SEC14L5: variants seen among roughly 807,000 people sequenced by gnomAD.
SEC14L5 encodes the protein SEC14 like lipid binding 5.
A neutral mutation model predicts 84.6 loss-of-function variants in SEC14L5; 96 were observed. That is an observed-to-expected ratio of 1.13 (90% CI 0.96 to 1.34). The LOEUF (loss-of-function observed/expected upper bound fraction) is 1.34. SEC14L5 is among the 40% of genes most tolerant of loss of function. SEC14L5 has a pLI of 0.00. For synonymous variants in SEC14L5, 546 were observed against 383.4 expected (o/e 1.42, Z -4.95); for missense variants, 1,224 against 942.5 (o/e 1.30, Z -3.91).
intron 12 of SEC14L5, 64 bp from the exon 13 acceptor site, chr16:5,007,288 T>G: frequency 6.5e-7 from 1 of 1,539,238 alleles, no homozygotes; most frequent in Non-Finnish European, 8.9e-7. Flanking sequence ...ATCACCCTTC[T>G]GTGGGTCAGG....
At chr16:4,996,172 C>G (rs1955606160) in intron 6 of SEC14L5, among the ~76,000 whole-genome samples, 176 bp from the exon 7 acceptor site, 1 of 152,138 alleles carries the variant, frequency 6.6e-6, no homozygotes, top group South Asian at 2.1e-4. Context: ...TGGACATGGG[C>G]TGGAGAAATG....
chr16:4,997,556 G>A (rs1178945411), intron 8 of SEC14L5, among the ~76,000 whole-genome samples: 8 of 152,198 alleles, frequency 5.3e-5, no homozygotes, highest in African/African-American at 9.6e-5. Context: ...TCTCCACTGG[G>A]CTGAGTGAGC....
At position 4,978,837 on chromosome 16, in the gene SEC14L5, G is replaced by A. The variant is rs369868065; in HGVS notation, c.64-8720G>A. 7.8e-4 allele frequency among the ~76,000 whole-genome samples: 118 copies of A among 152,208 alleles called. 2 individuals carry two copies. The South Asian group carries it at 0.022, about 28-fold the overall frequency. ...AGGATGGTCTCGATCGCTTGACCTC[G>A]TGATCTGCCCGCCTTGGCCTCCCAA... On this transcript the variant is annotated intron_variant, in intron 2 of 15. Coordinates refer to ENST00000251170, the MANE Select transcript of SEC14L5 (RefSeq NM_014692.2).
rs1955576565 is a variant in SEC14L5, at chr16:4,993,669, CTG to C, written c.667+1641_667+1642del. On this transcript the variant is annotated intron_variant, in intron 6 of 15. Coordinates refer to ENST00000251170, the MANE Select transcript of SEC14L5 (RefSeq NM_014692.2). The stretch of plus-strand genomic sequence containing the variant: ...GTACTTAATAATTTTTTTAAAATGT[CTG>C]TAAGTATATACAAAGCATAACATTT... Among the ~76,000 whole-genome samples the C allele has an allele frequency of 1.3e-5, 2 of 152,166 alleles. 1 individual carries two copies. The highest frequency in any genetic ancestry group is 4.1e-4 in the South Asian group (2 of 4,832).
At chr16:4,962,894 ACT>A (rs1259275256) in intron 2 of SEC14L5, among the ~76,000 whole-genome samples, 2 of 152,086 alleles carry the variant, frequency 1.3e-5, no homozygotes, top group East Asian at 1.9e-4. Flanking sequence ...TAGCTGCATA[ACT>A]CAACGTAACT....
chr16:4,977,026 G>T (rs531334454), intron 2 of SEC14L5, among the ~76,000 whole-genome samples: 1 of 152,324 alleles, frequency 6.6e-6, no homozygotes, highest in South Asian at 2.1e-4. Context: ...AGGCACAGGG[G>T]CTGGGCCCTG....
Position 5,015,070 on chromosome 16 carries a change from G to A in SEC14L5, c.*100G>A. On this transcript the variant is annotated 3_prime_UTR_variant, in exon 16 of 16. Transcript: ENST00000251170. ...GCAGGGCCTGGGACCATGTGGGCTGGAGCCCCAGGCCTAGATGCTGCCCAA... is the reference window on the plus strand; with the variant it reads ...GCAGGGCCTGGGACCATGTGGGCTGAAGCCCCAGGCCTAGATGCTGCCCAA... The A allele has an allele frequency of 1.1e-6, 1 of 938,428 alleles. No homozygotes were observed. Among genetic ancestry groups the A allele is most frequent in the East Asian group, 2.5e-5 (1 of 39,902 alleles). The allele number at this position is 938,428 out of a possible 1,614,324, so 58.1% of individuals were successfully genotyped here. A position where few individuals can be genotyped will look rare whatever the true frequency, so the allele number is the denominator to read the frequency against.
chr16:4,978,748 G>T (rs992185937), intron 2 of SEC14L5, among the ~76,000 whole-genome samples: 7 of 151,464 alleles, frequency 4.6e-5, no homozygotes, highest in South Asian at 2.1e-4. Flanking sequence ...AACTACAGGC[G>T]CCTGCCACCA....
intron 2 of SEC14L5, among the ~76,000 whole-genome samples, chr16:4,963,632 C>T (rs1955157273): frequency 6.6e-6 from 1 of 151,962 alleles, no homozygotes. Context: ...AGGCGCGAGC[C>T]ACTGGGCCCA....
chr16:4,990,939 C>T, intron 5 of SEC14L5, 44 bp downstream of exon 5: 1 of 1,488,466 alleles, frequency 6.7e-7, no homozygotes, highest in Non-Finnish European at 9.0e-7. Flanking sequence ...GGTGCACACA[C>T]CTGCTCTGCC....
chr16:5,007,533 C>A (rs755424888), intron 13 of SEC14L5, 47 bp downstream of exon 13: 2 of 1,580,718 alleles, frequency 1.3e-6, no homozygotes, highest in Non-Finnish European at 8.6e-7. Context: ...GAGTGTCTGT[C>A]GTCTTAGGTC....
rs548158610 is a variant in SEC14L5, at chr16:5,007,263, C to T, written c.1438-89C>T. ...AGTAAGGGGTTGCAATTATGAGTGG[C>T]TTTGGGGGTCACACATCACCCTTCT... On this transcript the variant is annotated intron_variant, in intron 12 of 15. Coordinates refer to ENST00000251170, the MANE Select transcript of SEC14L5 (RefSeq NM_014692.2). 21 of 1,294,136 alleles carry T rather than the reference C, an allele frequency of 1.6e-5. No homozygotes were observed. The African/African-American group carries it at 2.3e-4, about 14-fold the overall frequency. The allele number at this position is 1,294,136 out of a possible 1,614,324, so 80.2% of individuals were successfully genotyped here.
In SEC14L5 at chr16:5,003,587, C is replaced by A; in HGVS notation, c.1302+14C>A. ...CTCTGGACACTGGTAAGAGCTGGAG[C>A]CTGGGCCAGGACTCTCCCTGGGGGT... is the stretch of plus-strand genomic sequence containing the variant. On this transcript the variant is annotated intron_variant, in intron 11 of 15. Transcript: ENST00000251170. The A allele has an allele frequency of 3.1e-6, 3 of 975,108 alleles. No homozygotes were observed. Among genetic ancestry groups the A allele is most frequent in the Non-Finnish European group, 4.3e-6 (3 of 691,330 alleles). The allele number at this position is 975,108 out of a possible 1,614,324, so 60.4% of individuals were successfully genotyped here. A position where few individuals can be genotyped will look rare whatever the true frequency, so the allele number is the denominator to read the frequency against.
chr16:5,001,721 G>A (rs894473185), intron 10 of SEC14L5, among the ~76,000 whole-genome samples: 1 of 151,836 alleles, frequency 6.6e-6, no homozygotes, highest in African/African-American at 2.4e-5. Flanking sequence ...CGGTGGCATC[G>A]CCCCCAAAGG....
At chr16:5,006,523 C>G (rs1030162692) in intron 12 of SEC14L5, among the ~76,000 whole-genome samples, 1 of 152,134 alleles carries the variant, frequency 6.6e-6, no homozygotes, top group African/African-American at 2.4e-5. Flanking sequence ...GTGTCCAGGC[C>G]CCTTTTATTG....
chr16:4,998,003 C>CCTTTTTTTTTTTTTT lies in SEC14L5; in HGVS notation c.970+959_970+960insCTTTTTTTTTTTTTT, dbSNP rs1555530444. On this transcript the variant is annotated intron_variant, in intron 8 of 15. Transcript: ENST00000251170. Reference sequence around the variant, plus strand: ...AATTACACCTGCACAGACTCTAGTTCTTTTTTTTTTTTTTTTTTGAGACAG... The same window carrying CCTTTTTTTTTTTTTT: ...AATTACACCTGCACAGACTCTAGTTCCTTTTTTTTTTTTTTTTTTTTTTTTTTTTTTTTGAGACAG... 3.9e-5 allele frequency among the ~76,000 whole-genome samples: 3 copies of CCTTTTTTTTTTTTTT among 77,896 alleles called. 1 individual carries two copies. The highest frequency in any genetic ancestry group is 5.3e-5 in the Non-Finnish European group (2 of 37,856). The allele number at this position is 77,896 out of a possible 152,430, so 51.1% of individuals were successfully genotyped here.
intron 4 of SEC14L5, among the ~76,000 whole-genome samples, chr16:4,989,188 G>A (rs971993703): frequency 1.3e-4 from 20 of 152,188 alleles, no homozygotes; most frequent in African/African-American, 3.4e-4. Flanking sequence ...GCTGAGTGAC[G>A]TTGGGCCACA....
Position 5,000,876 on chromosome 16 carries a change from G to A in SEC14L5, c.1081G>A (p.Gly361Arg), listed in dbSNP as rs776191007. The A allele has an allele frequency of 6.2e-7, 1 of 1,608,388 alleles. No homozygotes were observed. The highest frequency in any genetic ancestry group is 8.5e-7 in the Non-Finnish European group (1 of 1,177,570). Residue 361 changes from glycine (G) to arginine (R), a missense_variant, in exon 10 of 16, where the codon GGA becomes AGA. Transcript: ENST00000251170. The part of the protein sequence containing the change: ...LRHVLSVNEE[G>R]QKRCEGSTRQ... ...CCAGGTTCTCTCCGTCAACGAGGAA[G>A]GACAGAAGCGGTGTGAGGGGAGCAC...
chr16:4,970,642 G>T (rs1304692996), intron 2 of SEC14L5, among the ~76,000 whole-genome samples: 2 of 152,328 alleles, frequency 1.3e-5, no homozygotes, highest in East Asian at 3.9e-4. Context: ...CCTGGGCCCC[G>T]CTCCTGACAC....
Sources: gnomAD v4.1 joint callset for allele counts (sites outside exome capture counted in the v4.1 genomes callset) on GRCh38, gnomAD v4.1.1 for gene constraint, MANE v1.5 for transcripts, NCBI Gene and HGNC (gene_info 2026-07-23, HGNC 2026-07-21) for gene names.